The following PLXNA2 variants were observed in gnomAD, a reference collection of about 807,000 sequenced individuals.
PLXNA2 encodes the protein plexin A2.
Under a neutral mutation model 193.5 loss-of-function variants are expected in PLXNA2, and 91 were observed. The observed-to-expected ratio is 0.47, with a 90% CI of 0.40 to 0.56. The LOEUF (loss-of-function observed/expected upper bound fraction) is 0.56, where lower values mean the gene tolerates loss of function less well. Among genes scored for constraint, PLXNA2 ranks in the 20% least tolerant of loss-of-function variants. The pLI, the probability that PLXNA2 is intolerant of heterozygous loss-of-function variation, is 0.00. For synonymous variants in PLXNA2, 997 were observed against 1,027.3 expected, an observed-to-expected ratio of 0.97 and a Z score of 0.56; for missense variants, 1,995 against 2,503.2, an observed-to-expected ratio of 0.80 and a Z score of 4.33.
At chr1:208,123,271 C>A (rs528448079) in intron 4 of PLXNA2, among the ~76,000 whole-genome samples, 2 of 152,258 alleles carry the variant, frequency 1.3e-5, no homozygotes, top group African/African-American at 4.8e-5. Context: ...AATTCAGAGG[C>A]AAGAAGGTGA....
chr1:208,232,986 C>T (rs1472377275), intron 1 of PLXNA2, among the ~76,000 whole-genome samples: 7 of 152,188 alleles, frequency 4.6e-5, no homozygotes, highest in East Asian at 1.9e-4. Flanking sequence ...GCTACGATAC[C>T]TTTCTGCTCT....
rs761345723 is a variant in PLXNA2 at position 208,084,417 on chromosome 1, C to T, written c.2261G>A (p.Arg754His). 7 of 1,614,138 alleles carry T rather than the reference C, an allele frequency of 4.3e-6. No homozygotes were observed. Among genetic ancestry groups the T allele is most frequent in the Non-Finnish European group, 5.1e-6 (6 of 1,180,050 alleles). ...QGAIHRVPAL[R>H]FNSSSVQCQN... ...ACACTGAACGCTGGAGCTGTTGAAG[C>T]GCAGAGCGGGGACCCGGTGGATGGC... Residue 754 changes from arginine (R) to histidine (H), a missense_variant, in exon 10 of 32, where the codon CGC (arginine) becomes CAC (histidine). Arg to His is a conservative substitution (Grantham distance 29, BLOSUM62 0). This residue lies in a region of PLXNA2 where 1,291 missense variants were observed against 1,673.6 expected (regional missense o/e 0.77). Coordinates refer to ENST00000367033, the MANE Select transcript of PLXNA2 (RefSeq NM_025179.4).
intron 4 of PLXNA2, among the ~76,000 whole-genome samples, chr1:208,134,505 G>T (rs1176474068): frequency 6.6e-6 from 1 of 152,172 alleles, no homozygotes; most frequent in East Asian, 1.9e-4. Context: ...CAAAGCCTTG[G>T]ATTGAAAGTG....
intron 3 of PLXNA2, among the ~76,000 whole-genome samples, chr1:208,158,447 C>T (rs1669005494): frequency 6.6e-6 from 1 of 152,142 alleles, no homozygotes; most frequent in Non-Finnish European, 1.5e-5. Flanking sequence ...CTGCATTTCC[C>T]CCTGTCTGCC....
At chr1:208,183,002 G>A (rs1313919600) in intron 3 of PLXNA2, among the ~76,000 whole-genome samples, 1 of 152,218 alleles carries the variant, frequency 6.6e-6, no homozygotes, top group African/African-American at 2.4e-5. Context: ...TCTTCCTCCT[G>A]TTTACCCACA....
At chr1:208,034,355 A>C (rs1488983599) in intron 27 of PLXNA2, 138 bp downstream of exon 27, 3 of 630,592 alleles carry the variant, frequency 4.8e-6, no homozygotes, top group Non-Finnish European at 5.8e-6. Context: ...TAGGGAGGAC[A>C]GAAACCAACT....
intron 4 of PLXNA2, among the ~76,000 whole-genome samples, chr1:208,137,339 ATACTC>A (rs1571956899): frequency 6.6e-6 from 1 of 152,156 alleles, no homozygotes; most frequent in East Asian, 1.9e-4. Flanking sequence ...TTCCATCCCT[ATACTC>A]TTTTCCCATC....
chr1:208,030,861 G>C lies in PLXNA2; in HGVS notation c.5225+729C>G, dbSNP rs1055880480. 7.1e-6 allele frequency: 7 copies of C among 985,316 alleles called. No individual in the cohort carries two copies. The African/African-American group carries it at 1.0e-4, about 15-fold the overall frequency. The allele number at this position is 985,316 out of a possible 1,614,324, so 61.0% of individuals were successfully genotyped here. A position where few individuals can be genotyped will look rare whatever the true frequency, so the allele number is the denominator to read the frequency against. ...TGTCTGACCTGAAAGCCAGTCCTTA[G>C]CTTGGTCTGTGGTCCAGGTTCAAAA... On this transcript the variant is annotated intron_variant, in intron 29 of 31. Coordinates refer to ENST00000367033, the MANE Select transcript of PLXNA2 (RefSeq NM_025179.4).
chr1:208,084,432 C>T lies in PLXNA2; in HGVS notation c.2246G>A (p.Arg749Gln), dbSNP rs367712536. The T allele has an allele frequency of 4.4e-5, 71 of 1,614,130 alleles. No homozygotes were observed. The highest frequency in any genetic ancestry group is 5.4e-5 in the Non-Finnish European group (64 of 1,180,052). The change falls in exon 10 of 32, where the codon CGG becomes CAG. Residue 749 changes from arginine (R) to glutamine (Q), a missense_variant. This residue lies in a region of PLXNA2 where 1,291 missense variants were observed against 1,673.6 expected (regional missense o/e 0.77). Transcript: ENST00000367033. ...CVLNIQGAIH[R>Q]VPALRFNSSS... Reference sequence around the variant, plus strand: ...GCTGTTGAAGCGCAGAGCGGGGACCCGGTGGATGGCTCCTTGTATGTTGAG... The same window carrying T: ...GCTGTTGAAGCGCAGAGCGGGGACCTGGTGGATGGCTCCTTGTATGTTGAG...
Position 208,038,547 on chromosome 1 carries a change from C to T in PLXNA2, c.4661-73G>A, listed in dbSNP as rs1664751706. ...TGTGAGCCAGTGTCTCCCGATTGCACCTTCTCTAGGGACCTGGCAACCCGG... is the reference window on the plus strand; with the variant it reads ...TGTGAGCCAGTGTCTCCCGATTGCATCTTCTCTAGGGACCTGGCAACCCGG... On this transcript the variant is annotated intron_variant, in intron 25 of 31. Transcript: ENST00000367033. The surrounding 1 kb of genome is among the most constrained non-coding windows in gnomAD (Gnocchi z 4.1). The T allele has an allele frequency of 1.7e-6, 2 of 1,186,426 alleles. No homozygotes were observed. The highest frequency in any genetic ancestry group is 2.5e-6 in the Non-Finnish European group (2 of 793,220). 73.5% of individuals were successfully genotyped at this position (1,186,426 alleles called of 1,614,324 possible). A position where few individuals can be genotyped will look rare whatever the true frequency, so the allele number is the denominator to read the frequency against.
chr1:208,058,481 CT>C (rs1252306360), intron 13 of PLXNA2, among the ~76,000 whole-genome samples: 1 of 152,244 alleles, frequency 6.6e-6, no homozygotes, highest in African/African-American at 2.4e-5. Flanking sequence ...AAATTCATCT[CT>C]CACAGACATC....
chr1:208,175,959 G>C (rs751337713), intron 3 of PLXNA2, among the ~76,000 whole-genome samples: 17 of 152,212 alleles, frequency 1.1e-4, no homozygotes, highest in African/African-American at 2.4e-4. Context: ...GAAGTGAATT[G>C]ATGGATGGCT....
chr1:208,061,402 C>T (rs1033023205), intron 12 of PLXNA2, among the ~76,000 whole-genome samples: 14 of 151,922 alleles, frequency 9.2e-5, no homozygotes, highest in Admixed American at 3.3e-4. Context: ...AACTTAGAGT[C>T]GAGGATGAGA....
rs984609883 is a variant in PLXNA2, at chr1:208,028,683, C to T, written c.5438+147G>A. On this transcript the variant is annotated intron_variant, in intron 30 of 31. Coordinates refer to ENST00000367033, the MANE Select transcript of PLXNA2 (RefSeq NM_025179.4). The surrounding 1 kb of genome is among the most constrained non-coding windows in gnomAD (Gnocchi z 4.2). ...ACGGGCACAAAGCCACCCTTCCTCC[C>T]GCAGCAGGGGGTGTGGCAGGGAGGG... The T allele has an allele frequency of 4.5e-5, 31 of 688,952 alleles. No individual in the cohort carries two copies. The highest frequency in any genetic ancestry group is 8.2e-4 in the Middle Eastern group (2 of 2,452). 42.7% of individuals were successfully genotyped at this position (688,952 alleles called of 1,614,324 possible).
At chr1:208,029,128 C>A in intron 29 of PLXNA2, 86 bp from the exon 30 acceptor site, 2 of 1,564,130 alleles carry the variant, frequency 1.3e-6, no homozygotes, top group Non-Finnish European at 1.7e-6. Context: ...CATCAAAGGT[C>A]AAATTGTCCA....
In PLXNA2 at chr1:208,040,063, G is replaced by T; in HGVS notation, c.4287-5C>A. ...TTTTCAGCCACAGACTCTGTCCTGG[G>T]GAAGGGACAAAGGGTAAGGGGCAGT... On this transcript the variant is annotated splice_region_variant and splice_polypyrimidine_tract_variant and intron_variant, in intron 22 of 31. Coordinates refer to ENST00000367033, the MANE Select transcript of PLXNA2 (RefSeq NM_025179.4). The T allele has an allele frequency of 6.2e-7, 1 of 1,613,596 alleles. No homozygotes were observed. The highest frequency in any genetic ancestry group is 8.5e-7 in the Non-Finnish European group (1 of 1,179,580).
chr1:208,204,180 C>T (rs189797401), intron 3 of PLXNA2, among the ~76,000 whole-genome samples: 6 of 152,248 alleles, frequency 3.9e-5, no homozygotes, highest in South Asian at 2.1e-4. Flanking sequence ...CAGAATAGGC[C>T]GGGGCCCTCC....
intron 4 of PLXNA2, among the ~76,000 whole-genome samples, chr1:208,128,392 C>T (rs3991422): frequency 0.54 from 81,641 of 151,302 alleles, 22,311 homozygotes; most frequent in African/African-American, 0.57. Context: ...AGAGCCATGG[C>T]TGAGGGTTTG....
intron 14 of PLXNA2, among the ~76,000 whole-genome samples, chr1:208,053,033 C>G (rs1193916227): frequency 2.0e-5 from 3 of 152,334 alleles, no homozygotes; most frequent in African/African-American, 7.2e-5. Flanking sequence ...GCATCACTGG[C>G]TGGGGCTTTC....
Sources: allele counts gnomAD v4.1 joint callset (sites outside exome capture counted in the v4.1 genomes callset), GRCh38; gene constraint gnomAD v4.1.1; regional missense constraint gnomAD v4.1.1; non-coding constraint Gnocchi (gnomAD v3.1); transcripts MANE v1.5; gene names NCBI Gene and HGNC (gene_info 2026-07-23, HGNC 2026-07-21).